Variants in GATC observed in about 807,000 individuals in gnomAD.
GATC encodes glutamyl-tRNA amidotransferase subunit C, also known as glutamyl-tRNA(Gln) amidotransferase subunit C, mitochondrial.
GATC carries 11 observed loss-of-function variants against 14.4 expected under a neutral mutation model. The ratio of observed to expected loss-of-function variants is 0.77; its 90% CI spans 0.48 to 1.27. GATC has a LOEUF of 1.27. Ranked by LOEUF, GATC falls within the 50% of genes most tolerant of loss-of-function variation. The pLI is 0.00. For synonymous variants in GATC, 76 were observed against 79.3 expected (o/e 0.96, Z 0.22); for missense variants, 204 against 183.0 (o/e 1.11, Z -0.66).
intron 2 of GATC, chr12:120,455,031 G>T (rs1480065935): frequency 2.2e-6 from 1 of 446,676 alleles, no homozygotes; most frequent in African/African-American, 2.0e-5. Flanking sequence ...GGGATTACAG[G>T]TATGTACCAC....
chr12:120,451,643 G>A (rs1878048064), intron 2 of GATC, among the ~76,000 whole-genome samples: 2 of 151,174 alleles, frequency 1.3e-5, no homozygotes, highest in Admixed American at 6.6e-5. Context: ...TCGGGAGGCT[G>A]AGACAGAAGA....
At chr12:120,447,105 C>A (rs1193356100) in intron 2 of GATC, among the ~76,000 whole-genome samples, 1 of 143,172 alleles carries the variant, frequency 7.0e-6, no homozygotes, top group Non-Finnish European at 1.5e-5. Flanking sequence ...GAGACGGAGT[C>A]TCGCTGTGTT....
chr12:120,463,048 G>A lies in GATC; in HGVS notation c.*3089G>A, dbSNP rs1405145384. The stretch of plus-strand genomic sequence containing the variant: ...TATATGAATCCTCAGAAAAAGAAAT[G>A]AGCCCAGAGACCTGTGTCCCCAAAC... On this transcript the variant is annotated 3_prime_UTR_variant, in exon 4 of 4. Coordinates refer to ENST00000551765, the MANE Select transcript of GATC (RefSeq NM_176818.3). 6.6e-6 allele frequency: 1 copy of A among 152,160 alleles called. No homozygotes were observed. The highest frequency in any genetic ancestry group is 2.4e-5 in the African/African-American group (1 of 41,434). The allele number at this position is 152,160 out of a possible 1,614,324, so 9.4% of individuals were successfully genotyped here. A position where few individuals can be genotyped will look rare whatever the true frequency, so the allele number is the denominator to read the frequency against.
chr12:120,454,102 T>C (rs1469901405), intron 2 of GATC, among the ~76,000 whole-genome samples: 2 of 152,176 alleles, frequency 1.3e-5, no homozygotes, highest in East Asian at 1.9e-4. Flanking sequence ...TAACCGCCTA[T>C]TGGCGGTAGT....
intron 2 of GATC, 28 bp downstream of exon 2, chr12:120,446,857 C>CTT (rs1565911988): frequency 6.4e-7 from 1 of 1,570,298 alleles, no homozygotes; most frequent in South Asian, 1.2e-5. Context: ...GCCCCGAAGC[C>CTT]TTGACCGTGG....
rs145076050 is a variant in GATC, at chr12:120,453,830, AAACAAC to A, written c.255-3225_255-3220del. 5.5e-3 allele frequency among the ~76,000 whole-genome samples: 835 copies of A among 150,572 alleles called. 5 individuals are homozygous for A. The highest frequency in any genetic ancestry group is 0.014 in the African/African-American group (565 of 41,236). The stretch of plus-strand genomic sequence containing the variant: ...GACCCTGTCTCAAAAAAAAAAAGTA[AAACAAC>A]AACAACAACAACAACAACAAAAAAC... On this transcript the variant is annotated intron_variant, in intron 2 of 3. Coordinates refer to ENST00000551765, the MANE Select transcript of GATC (RefSeq NM_176818.3).
intron 3 of GATC, among the ~76,000 whole-genome samples, chr12:120,458,691 G>C (rs1743393115): frequency 6.6e-6 from 1 of 152,178 alleles, no homozygotes; most frequent in Non-Finnish European, 1.5e-5. Flanking sequence ...CTAGCCAAAA[G>C]CAATCAGGTA....
chr12:120,451,143 C>CAAAA (rs143607117), intron 2 of GATC, among the ~76,000 whole-genome samples: 9,435 of 56,174 alleles, frequency 0.17, 1,842 homozygotes, highest in African/African-American at 0.44. Context: ...GACTCCATCT[C>CAAAA]AAAAAAAAAA....
rs571286356 is a variant in GATC, at chr12:120,458,975, C to T, written c.359-932C>T. On this transcript the variant is annotated intron_variant, in intron 3 of 3. Coordinates refer to ENST00000551765, the MANE Select transcript of GATC (RefSeq NM_176818.3). Reference sequence around the variant, plus strand: ...TTCCACGTTCATGCCATTCTCCTGCCTTAGCCTCCCAAGTAGCTAGGACTA... The same window carrying T: ...TTCCACGTTCATGCCATTCTCCTGCTTTAGCCTCCCAAGTAGCTAGGACTA... Among the ~76,000 whole-genome samples the T allele has an allele frequency of 2.6e-5, 4 of 151,654 alleles. No homozygotes were observed. The East Asian group carries it at 7.7e-4, about 29-fold the overall frequency.
Position 120,462,217 on chromosome 12 carries a change from G to T in GATC, c.*2258G>T. 3 of 1,543,534 alleles carry T rather than the reference G, an allele frequency of 1.9e-6. No individual in the cohort carries two copies. The highest frequency in any genetic ancestry group is 2.4e-5 in the South Asian group (2 of 84,010). ...AAGGGGAAAAAAATCAGAGCCAGAA[G>T]AATAAGCAAACCAACATCTAACAAT... is the stretch of plus-strand genomic sequence containing the variant. On this transcript the variant is annotated 3_prime_UTR_variant, in exon 4 of 4. Transcript: ENST00000551765.
At chr12:120,447,147 G>A (rs1294010691) in intron 2 of GATC, among the ~76,000 whole-genome samples, 1 of 151,112 alleles carries the variant, frequency 6.6e-6, no homozygotes, top group Non-Finnish European at 1.5e-5. Flanking sequence ...CTCGATCTCG[G>A]CTCACTGCAA....
rs371503561 is a variant in GATC, at chr12:120,457,176, C to G, written c.355C>G (p.Pro119Ala). ...CGTGGAGGAGTACTTTGTGGCCCCC[C>G]CAGGTACGTGCTGCCCAGAATGGTT... is the stretch of plus-strand genomic sequence containing the variant. The part of the protein sequence containing the change: ...RVVEEYFVAP[P>A]GNISLPKLDE... Residue 119 changes from proline (P) to alanine (A), a missense_variant, in exon 3 of 4, where the codon CCA (proline) becomes GCA (alanine). Coordinates refer to ENST00000551765, the MANE Select transcript of GATC (RefSeq NM_176818.3). 3.1e-6 allele frequency: 5 copies of G among 1,608,452 alleles called. No homozygotes were observed. In the Admixed American group the frequency reaches 5.0e-5, roughly 16 times the overall value.
At chr12:120,457,285 A>C (rs759821895) in intron 3 of GATC, 106 bp downstream of exon 3, 185 of 810,284 alleles carry the variant, frequency 2.3e-4, no homozygotes, top group Non-Finnish European at 3.7e-4. Context: ...TTTGAAAAGG[A>C]TGAAGTGCAT....
intron 2 of GATC, among the ~76,000 whole-genome samples, chr12:120,448,542 T>C (rs1318972718): frequency 6.6e-6 from 1 of 151,480 alleles, no homozygotes; most frequent in African/African-American, 2.4e-5. Context: ...TTGACCAGGC[T>C]GGTCTCGAAC....
chr12:120,448,678 C>T (rs887791852), intron 2 of GATC, among the ~76,000 whole-genome samples: 2 of 118,942 alleles, frequency 1.7e-5, no homozygotes, highest in African/African-American at 7.2e-5. Flanking sequence ...CGGAGTTTCA[C>T]TCTTCCACCC....
In GATC at chr12:120,457,100, T is replaced by C. The variant is rs1183120526; in HGVS notation, c.279T>C (p.Asn93=). The change falls in exon 3 of 4, where the codon AAT becomes AAC. Residue 93 remains asparagine (N), a synonymous_variant. Coordinates refer to ENST00000551765, the MANE Select transcript of GATC (RefSeq NM_176818.3). The part of the protein sequence containing the change: ...EDRCLYLRSD[N]VVEGNCADEL... ...GATGTCTATACCTGAGATCCGACAA[T>C]GTGGTAGAAGGCAACTGTGCTGATG... is the stretch of plus-strand genomic sequence containing the variant. 1.9e-6 allele frequency: 3 copies of C among 1,613,652 alleles called. No individual in the cohort carries two copies. Among genetic ancestry groups the C allele is most frequent in the Non-Finnish European group, 2.5e-6 (3 of 1,179,790 alleles).
At chr12:120,455,700 T>A (rs183288989) in intron 2 of GATC, among the ~76,000 whole-genome samples, 1 of 151,878 alleles carries the variant, frequency 6.6e-6, no homozygotes, top group Non-Finnish European at 1.5e-5. Flanking sequence ...TTCTCTTTTT[T>A]TTTGAGGCAG....
chr12:120,451,481 CCTGTAATCCCAGCACTTTGGGAGG>C (rs1286746034), intron 2 of GATC, among the ~76,000 whole-genome samples: 2 of 151,096 alleles, frequency 1.3e-5, no homozygotes, highest in Admixed American at 1.3e-4. Flanking sequence ...GTGTTTCACG[CCTGTAATCCCAGCACTTTGGGAGG>C]CTGAGGCAGG....
At chr12:120,456,637 C>T (rs1387326535) in intron 2 of GATC, among the ~76,000 whole-genome samples, 3 of 152,166 alleles carry the variant, frequency 2.0e-5, no homozygotes, top group Admixed American at 2.0e-4. Context: ...ATACCTTCAT[C>T]CCCCAATCCA....
Sources: allele counts gnomAD v4.1 joint callset (sites outside exome capture counted in the v4.1 genomes callset), GRCh38; gene constraint gnomAD v4.1.1; transcripts MANE v1.5; gene names NCBI Gene and HGNC (gene_info 2026-07-23, HGNC 2026-07-21).